CELF1: variants seen among roughly 807,000 people sequenced by gnomAD.
CELF1 encodes the protein CUGBP Elav-like family member 1.
CELF1 carries 10 observed loss-of-function variants against 61.8 expected under a neutral mutation model. That is an observed-to-expected ratio of 0.16 (90% confidence interval 0.10 to 0.27). The LOEUF (loss-of-function observed/expected upper bound fraction) is 0.27, where lower values mean the gene tolerates loss of function less well. Ranked by LOEUF, CELF1 falls within the 10% of genes least tolerant of loss-of-function variation. The pLI is 1.00. For missense variants in CELF1, 380 were observed against 639.1 expected (o/e 0.59, Z 4.37); for synonymous variants, 236 against 225.1 (o/e 1.05, Z -0.43).
chr11:47,490,425 GTTT>G (rs373523637), intron 3 of CELF1, among the ~76,000 whole-genome samples: 7 of 130,044 alleles, frequency 5.4e-5, no homozygotes, highest in African/African-American at 5.7e-5. Flanking sequence ...CAACATGCTA[GTTT>G]TTTTTTTTTT....
intron 3 of CELF1, among the ~76,000 whole-genome samples, chr11:47,493,018 T>C (rs968348992): frequency 3.9e-5 from 6 of 152,178 alleles, no homozygotes; most frequent in African/African-American, 7.2e-5. Flanking sequence ...TTCTGAACTT[T>C]TGCATCCTGT....
chr11:47,497,917 G>A (rs895373727), intron 3 of CELF1, among the ~76,000 whole-genome samples: 1 of 152,202 alleles, frequency 6.6e-6, no homozygotes, highest in Non-Finnish European at 1.5e-5. Flanking sequence ...CAGTGGCAAA[G>A]CACAGGAAGT....
At chr11:47,547,816 A>C (rs1443447671) in intron 1 of CELF1, among the ~76,000 whole-genome samples, 2 of 152,238 alleles carry the variant, frequency 1.3e-5, no homozygotes, top group Admixed American at 6.5e-5. Flanking sequence ...TGAAATATCT[A>C]GAATAAGAAA....
rs1273991652 is a variant in CELF1, at chr11:47,545,895, GTGTGTGTGTGTA to G, written c.-154+7085_-154+7096del. 1.9e-4 allele frequency among the ~76,000 whole-genome samples: 24 copies of G among 127,268 alleles called. No individual in the cohort carries two copies. The East Asian group carries it at 4.6e-3, about 25-fold the overall frequency. The allele number at this position is 127,268 out of a possible 152,430, so 83.5% of individuals were successfully genotyped here. On this transcript the variant is annotated intron_variant, in intron 1 of 14. Coordinates refer to ENST00000687097, the MANE Select transcript of CELF1 (RefSeq NM_001376376.1). Reference sequence around the variant, plus strand: ...CGTGTGTGTGTGTGTGTGTGTGTGTGTGTGTGTGTGTATATATATATTTTTTTTTTTTTGAGA... The same window carrying G: ...CGTGTGTGTGTGTGTGTGTGTGTGTGTATATATATTTTTTTTTTTTTGAGA...
chr11:47,500,439 T>C (rs1303357583), intron 2 of CELF1, among the ~76,000 whole-genome samples: 1 of 152,218 alleles, frequency 6.6e-6, no homozygotes, highest in Non-Finnish European at 1.5e-5. Flanking sequence ...TGCTTCTTAC[T>C]AGCATACTAG....
Position 47,476,574 on chromosome 11 carries a change from C to T in CELF1, c.1087+272G>A, listed in dbSNP as rs369236612. ...CCAAGTAGCTAGGACTACAGGCGCC[C>T]GCCACCAGGCCCAGCTAATTTTTTT... On this transcript the variant is annotated intron_variant, in intron 12 of 14. Transcript: ENST00000687097. 3.3e-5 allele frequency among the ~76,000 whole-genome samples: 5 copies of T among 152,246 alleles called. No individual in the cohort carries two copies. The East Asian group carries it at 9.7e-4, about 29-fold the overall frequency.
At position 47,476,879 on chromosome 11, in the gene CELF1, C is replaced by T; in HGVS notation, c.1054G>A (p.Ala352Thr). 6.2e-7 allele frequency: 1 copy of T among 1,614,200 alleles called. No individual in the cohort carries two copies. Among genetic ancestry groups the T allele is most frequent in the Non-Finnish European group, 8.5e-7 (1 of 1,180,032 alleles). Residue 352 changes from alanine (A) to threonine (T), a missense_variant, in exon 12 of 15, where the codon GCA becomes ACA. Transcript: ENST00000687097. ...SLGALQTLAG[A>T]TAGLNVGSLA... The stretch of plus-strand genomic sequence containing the variant: ...GAGCCAACATTGAGGCCAGCCGTTG[C>T]TCCAGCTAATGTCTGCAGGGCTCCA...
chr11:47,474,136 A>G (rs890188408), intron 13 of CELF1, among the ~76,000 whole-genome samples: 1 of 152,170 alleles, frequency 6.6e-6, no homozygotes, highest in Non-Finnish European at 1.5e-5. Context: ...TGATCTCATG[A>G]TCTGCCTGCC....
At position 47,498,126 on chromosome 11, in the gene CELF1, G is replaced by C. The variant is rs539030187; in HGVS notation, c.71+1327C>G. 7.2e-5 allele frequency among the ~76,000 whole-genome samples: 11 copies of C among 152,298 alleles called. No individual in the cohort carries two copies. The South Asian group carries it at 1.2e-3, about 17-fold the overall frequency. ...AATTACCGTAATTTTGGAGACTACA[G>C]AGGAGGCATAAGATCCACTTCAAAA... is the stretch of plus-strand genomic sequence containing the variant. On this transcript the variant is annotated intron_variant, in intron 3 of 14. Coordinates refer to ENST00000687097, the MANE Select transcript of CELF1 (RefSeq NM_001376376.1).
chr11:47,472,964 A>C, intron 14 of CELF1, 124 bp downstream of exon 14: 1 of 1,050,396 alleles, frequency 9.5e-7, no homozygotes, highest in Admixed American at 2.9e-5. Context: ...GGTCATAATG[A>C]CCTGCCCATG....
At chr11:47,499,350 T>C in intron 3 of CELF1, 103 bp downstream of exon 3, 1 of 874,782 alleles carries the variant, frequency 1.1e-6, no homozygotes, top group Non-Finnish European at 1.8e-6. Context: ...TCTTTCCCCA[T>C]TTTTCTCTTC....
At chr11:47,474,742 T>G (rs1596086204) in intron 13 of CELF1, among the ~76,000 whole-genome samples, 1 of 152,194 alleles carries the variant, frequency 6.6e-6, no homozygotes, top group African/African-American at 2.4e-5. Flanking sequence ...AGCACAGAGG[T>G]GTCAGCAGGA....
At chr11:47,478,850 G>C in intron 10 of CELF1, 27 bp downstream of exon 10, 1 of 1,586,910 alleles carries the variant, frequency 6.3e-7, no homozygotes, top group Non-Finnish European at 8.6e-7. Context: ...GGGTGCTGCT[G>C]CTCCTCTGCA....
At chr11:47,472,414 G>A in intron 14 of CELF1, 57 bp from the exon 15 acceptor site, 1 of 1,585,130 alleles carries the variant, frequency 6.3e-7, no homozygotes, top group Non-Finnish European at 8.6e-7. Context: ...GAGATTCTCA[G>A]TCCTCCTTAT....
At chr11:47,506,437 GA>G (rs112417346) in intron 1 of CELF1, among the ~76,000 whole-genome samples, 5,437 of 145,858 alleles carry the variant, frequency 0.037, 303 homozygotes, top group African/African-American at 0.13. Flanking sequence ...TCAAAAAAAA[GA>G]AAAAAAAAAT....
At chr11:47,542,038 A>C (rs1481064432) in intron 1 of CELF1, among the ~76,000 whole-genome samples, 1 of 152,124 alleles carries the variant, frequency 6.6e-6, no homozygotes, top group Non-Finnish European at 1.5e-5. Flanking sequence ...TATAAAAAGA[A>C]GACCTGGAGG....
chr11:47,489,935 G>T (rs78321091), intron 3 of CELF1, among the ~76,000 whole-genome samples: 735 of 48,110 alleles, frequency 0.015, 2 homozygotes, highest in South Asian at 0.027. Context: ...ATACCATCTT[G>T]TTTTTTTTTT....
rs1449410218 is a variant in CELF1, at chr11:47,471,261, T to C, written c.*969A>G. ...CTTCAGCAAGAACTGCAAGCCCTTCTTGGATTTGCCTTCATGAGAAAATGG... is the reference window on the plus strand; with the variant it reads ...CTTCAGCAAGAACTGCAAGCCCTTCCTGGATTTGCCTTCATGAGAAAATGG... On this transcript the variant is annotated 3_prime_UTR_variant, in exon 15 of 15. Transcript: ENST00000687097. 6.6e-6 allele frequency: 1 copy of C among 152,240 alleles called. No individual in the cohort carries two copies. The highest frequency in any genetic ancestry group is 6.5e-5 in the Admixed American group (1 of 15,288). 9.4% of individuals were successfully genotyped at this position (152,240 alleles called of 1,614,324 possible). A position where few individuals can be genotyped will look rare whatever the true frequency, so the allele number is the denominator to read the frequency against.
At chr11:47,484,603 T>A in intron 6 of CELF1, 80 bp from the exon 7 acceptor site, 11 of 1,234,750 alleles carry the variant, frequency 8.9e-6, no homozygotes, top group Non-Finnish European at 3.5e-6. Context: ...CCAGACCGCC[T>A]GGGTTTGAAT....
Sources: allele counts gnomAD v4.1 joint callset (sites outside exome capture counted in the v4.1 genomes callset), GRCh38; gene constraint gnomAD v4.1.1; transcripts MANE v1.5; gene names NCBI Gene and HGNC (gene_info 2026-07-23, HGNC 2026-07-21).